The following MAD1L1 variants were observed in gnomAD, a reference collection of about 807,000 sequenced individuals.
MAD1L1 encodes mitotic spindle assembly checkpoint protein MAD1.
MAD1L1 carries 95 observed loss-of-function variants against 96.9 expected under a neutral mutation model. That is an observed-to-expected ratio of 0.98 (90% CI 0.83 to 1.16). The LOEUF is 1.16. Among genes scored for constraint, MAD1L1 ranks in the 50% most tolerant of loss-of-function variants. MAD1L1 has a pLI of 0.00. For synonymous variants in MAD1L1, 473 were observed against 396.6 expected, an observed-to-expected ratio of 1.19 and a Z score of -2.29; for missense variants, 1,007 against 954.4, an observed-to-expected ratio of 1.06 and a Z score of -0.73.
At chr7:1,935,074 GA>G (rs1263840059) in intron 17 of MAD1L1, among the ~76,000 whole-genome samples, 2 of 152,262 alleles carry the variant, frequency 1.3e-5, no homozygotes, top group African/African-American at 4.8e-5. Flanking sequence ...GGAACAAACA[GA>G]CAAGCGAATG....
chr7:2,067,420 C>G (rs567439350), intron 12 of MAD1L1, among the ~76,000 whole-genome samples: 8 of 152,292 alleles, frequency 5.3e-5, no homozygotes, highest in African/African-American at 9.6e-5. Context: ...CTTCCTCCCC[C>G]AGGAAGCTCT....
intron 4 of MAD1L1, among the ~76,000 whole-genome samples, chr7:2,223,844 G>GC (rs3837087): frequency 0.68 from 103,766 of 151,998 alleles, 36,356 homozygotes; most frequent in African/African-American, 0.83. Flanking sequence ...CTTAAGTCTC[G>GC]CCCCTAATAG....
intron 3 of MAD1L1, 42 bp from the exon 4 acceptor site, chr7:2,225,592 C>T (rs199953261): frequency 1.3e-5 from 21 of 1,602,234 alleles, no homozygotes; most frequent in Non-Finnish European, 1.4e-5. Flanking sequence ...TCCTCAGTGA[C>T]GGCATCAAAC....
intron 1 of MAD1L1, among the ~76,000 whole-genome samples, chr7:2,231,783 A>ATC (rs1794204596): frequency 6.6e-6 from 1 of 152,134 alleles, no homozygotes; most frequent in African/African-American, 2.4e-5. Flanking sequence ...AAAGAAAGGT[A>ATC]TCTGACATTT....
At chr7:2,034,066 A>G (rs979142607) in intron 12 of MAD1L1, among the ~76,000 whole-genome samples, 65 of 152,244 alleles carry the variant, frequency 4.3e-4, no homozygotes, top group African/African-American at 1.5e-3. Flanking sequence ...ACCACATTGC[A>G]GCCTGGGCGA....
intron 17 of MAD1L1, among the ~76,000 whole-genome samples, chr7:1,911,297 C>T (rs1031292098): frequency 1.3e-5 from 2 of 152,114 alleles, no homozygotes; most frequent in South Asian, 4.1e-4. Context: ...AATTCTACTT[C>T]CTGTCACCCT....
rs958859198 is a variant in MAD1L1, at chr7:2,104,878, C to T, written c.1074-35540G>A. 4.6e-5 allele frequency among the ~76,000 whole-genome samples: 7 copies of T among 152,194 alleles called. No individual in the cohort carries two copies. The South Asian group carries it at 6.2e-4, about 14-fold the overall frequency. On this transcript the variant is annotated intron_variant, in intron 11 of 18. Coordinates refer to ENST00000265854, the MANE Select transcript of MAD1L1 (RefSeq NM_001013836.2). ...AGCCTGCAGCTGCCTCTCCTTCCAACGTGCAATGCAGGGTAGGTCCCCCCG... is the reference window on the plus strand; with the variant it reads ...AGCCTGCAGCTGCCTCTCCTTCCAATGTGCAATGCAGGGTAGGTCCCCCCG...
intron 11 of MAD1L1, among the ~76,000 whole-genome samples, chr7:2,117,371 C>A (rs1787760205): frequency 6.6e-6 from 1 of 152,232 alleles, no homozygotes; most frequent in African/African-American, 2.4e-5. Flanking sequence ...ACAGAGGCCA[C>A]CCACATGGTC....
At chr7:1,910,901 C>A (rs567823372) in intron 17 of MAD1L1, among the ~76,000 whole-genome samples, 87 of 152,336 alleles carry the variant, frequency 5.7e-4, no homozygotes, top group Admixed American at 1.4e-3. Flanking sequence ...GACATGGGCT[C>A]CAGCATGGCG....
At chr7:2,069,728 G>C (rs894806327) in intron 11 of MAD1L1, among the ~76,000 whole-genome samples, 1 of 152,208 alleles carries the variant, frequency 6.6e-6, no homozygotes, top group African/African-American at 2.4e-5. Flanking sequence ...CGCCTGGTTG[G>C]GGGGCCTGTT....
intron 10 of MAD1L1, among the ~76,000 whole-genome samples, chr7:2,194,839 C>T (rs988784177): frequency 3.9e-5 from 6 of 151,988 alleles, no homozygotes; most frequent in Admixed American, 6.6e-5. Flanking sequence ...TTTGGGAGGC[C>T]GAGGAAGGCA....
intron 12 of MAD1L1, among the ~76,000 whole-genome samples, chr7:2,050,736 C>T (rs549176597): frequency 2.0e-5 from 3 of 146,454 alleles, no homozygotes; most frequent in Non-Finnish European, 4.4e-5. Flanking sequence ...CCAGTACCCC[C>T]GAGGGCGGCT....
intron 4 of MAD1L1, among the ~76,000 whole-genome samples, 172 bp downstream of exon 4, chr7:2,225,236 GCC>G (rs1263233626): frequency 2.6e-5 from 1 of 39,044 alleles, no homozygotes; most frequent in Non-Finnish European, 8.9e-5. Context: ...ACCGTGCACA[GCC>G]CCCTTGCTCC....
chr7:2,160,428 G>A (rs1468425577), intron 10 of MAD1L1, among the ~76,000 whole-genome samples: 1 of 149,242 alleles, frequency 6.7e-6, no homozygotes, highest in Admixed American at 6.7e-5. Context: ...CGCCTCCTGG[G>A]TTCACACCAT....
intron 14 of MAD1L1, among the ~76,000 whole-genome samples, chr7:2,001,008 G>A (rs923498608): frequency 2.6e-5 from 4 of 152,240 alleles, no homozygotes; most frequent in Non-Finnish European, 4.4e-5. Flanking sequence ...AGAAGGGCCT[G>A]TAACCATGGC....
At chr7:1,904,510 T>C (rs1787495359) in intron 17 of MAD1L1, among the ~76,000 whole-genome samples, 1 of 132,310 alleles carries the variant, frequency 7.6e-6, no homozygotes, top group African/African-American at 3.5e-5. Flanking sequence ...TGGAAGATGC[T>C]CTTGCGGAAC....
chr7:1,858,800 G>A (rs1784382213), intron 18 of MAD1L1, among the ~76,000 whole-genome samples: 1 of 152,228 alleles, frequency 6.6e-6, no homozygotes, highest in African/African-American at 2.4e-5. Context: ...TGGAAAGTAG[G>A]CCCAGCAGGA....
intron 3 of MAD1L1, 33 bp from the exon 4 acceptor site, chr7:2,225,583 C>T (rs761155946): frequency 1.2e-6 from 2 of 1,607,608 alleles, no homozygotes; most frequent in South Asian, 2.2e-5. Context: ...AAAACAGAAT[C>T]CTCAGTGACG....
chr7:2,078,585 C>G (rs1039505818), intron 11 of MAD1L1, among the ~76,000 whole-genome samples: 1 of 152,242 alleles, frequency 6.6e-6, no homozygotes, highest in African/African-American at 2.4e-5. Flanking sequence ...GCGGCCAGGG[C>G]CCCTCCATGT....
Sources: allele counts gnomAD v4.1 joint callset (sites outside exome capture counted in the v4.1 genomes callset), GRCh38; gene constraint gnomAD v4.1.1; transcripts MANE v1.5; gene names NCBI Gene and HGNC (gene_info 2026-07-23, HGNC 2026-07-21).